COPS5: variants seen among roughly 807,000 people sequenced by gnomAD.
COPS5 encodes the protein COP9 signalosome subunit 5.
In COPS5, 8 loss-of-function variants were observed where a neutral mutation model predicts 44.4. The ratio of observed to expected loss-of-function variants is 0.18; its 90% CI spans 0.11 to 0.32. The LOEUF is 0.32. Among genes scored for constraint, COPS5 ranks in the 10% least tolerant of loss-of-function variants. The probability of loss-of-function intolerance (pLI) is 1.00; values close to 1 mark genes in which losing one functional copy is unlikely to be tolerated. For synonymous variants in COPS5, 122 were observed against 142.8 expected, an observed-to-expected ratio of 0.85 and a Z score of 1.04; for missense variants, 159 against 406.4, an observed-to-expected ratio of 0.39 and a Z score of 5.23.
chr8:67,043,740 C>T (rs551376375), intron 7 of COPS5: 1 of 152,404 alleles, frequency 6.6e-6, no homozygotes, highest in African/African-American at 2.4e-5. Context: ...AGAAGTCAAA[C>T]TTAGGTTAGC....
chr8:67,050,001 C>CTTTTTTTTTTT (rs548690353), intron 6 of COPS5, among the ~76,000 whole-genome samples: 4 of 138,736 alleles, frequency 2.9e-5, no homozygotes, highest in Non-Finnish European at 4.7e-5. Context: ...GTGATACTCT[C>CTTTTTTTTTTT]TTTTTTTTTT....
chr8:67,043,334 A>C lies in COPS5; in HGVS notation c.921-17T>G. On this transcript the variant is annotated splice_polypyrimidine_tract_variant and intron_variant, in intron 7 of 7. Transcript: ENST00000357849. ...GTTTTACAGCTGGAAAAAAAAACAC[A>C]CATCACATGATGTCATAAATTGAAA... 1 of 1,476,282 alleles carries C rather than the reference A, an allele frequency of 6.8e-7. No homozygotes were observed. Among genetic ancestry groups the C allele is most frequent in the Non-Finnish European group, 9.4e-7 (1 of 1,061,016 alleles). The allele number at this position is 1,476,282 out of a possible 1,614,324, so 91.4% of individuals were successfully genotyped here.
At position 67,057,457 on chromosome 8, in the gene COPS5, A is replaced by T. The variant is rs924901882; in HGVS notation, c.508-12T>A. Reference sequence around the variant, plus strand: ...CTTGTTGGATCAATCTATAAGAAAGATATATTTAATATCTGCTGATATAAA... The same window carrying T: ...CTTGTTGGATCAATCTATAAGAAAGTTATATTTAATATCTGCTGATATAAA... On this transcript the variant is annotated splice_polypyrimidine_tract_variant and intron_variant, in intron 3 of 7. Transcript: ENST00000357849. 18 of 1,563,042 alleles carry T rather than the reference A, an allele frequency of 1.2e-5. No individual in the cohort carries two copies. The African/African-American group carries it at 1.5e-4, about 13-fold the overall frequency.
At chr8:67,050,001 C>CTTTTTTTTT (rs548690353) in intron 6 of COPS5, among the ~76,000 whole-genome samples, 56 of 138,694 alleles carry the variant, frequency 4.0e-4, no homozygotes, top group Non-Finnish European at 1.2e-4. Flanking sequence ...GTGATACTCT[C>CTTTTTTTTT]TTTTTTTTTT....
chr8:67,048,221 A>T (rs1208111722), intron 6 of COPS5, among the ~76,000 whole-genome samples: 1 of 152,224 alleles, frequency 6.6e-6, no homozygotes, highest in African/African-American at 2.4e-5. Context: ...GTGAGATGTG[A>T]TTGCACCACT....
chr8:67,056,589 C>T lies in COPS5; in HGVS notation c.589G>A (p.Asp197Asn). 1 of 1,374,108 alleles carries T rather than the reference C, an allele frequency of 7.3e-7. No individual in the cohort carries two copies. The highest frequency in any genetic ancestry group is 9.7e-7 in the Non-Finnish European group (1 of 1,030,866). 85.1% of individuals were successfully genotyped at this position (1,374,108 alleles called of 1,614,324 possible). Residue 197 changes from aspartate (D) to asparagine (N), a missense_variant, in exon 5 of 8, where the codon GAT becomes AAT. Transcript: ENST00000357849. ...RTYPKGYKPP[D>N]EGPSEYQTIP... is the part of the protein sequence containing the mutation. Reference sequence around the variant, plus strand: ...GTCTGGTACTCAGAAGGTCCTTCATCAGGAGGTTTGTAGCCCTAAACAAAA... The same window carrying T: ...GTCTGGTACTCAGAAGGTCCTTCATTAGGAGGTTTGTAGCCCTAAACAAAA...
intron 6 of COPS5, among the ~76,000 whole-genome samples, chr8:67,046,518 A>T (rs1364522115): frequency 2.0e-5 from 3 of 152,132 alleles, no homozygotes; most frequent in Non-Finnish European, 4.4e-5. Flanking sequence ...TTATAAAAAT[A>T]ACATTTTAAA....
At chr8:67,052,883 GCTTGAGTAGAATGGAAGGTA>G (rs988398975) in intron 5 of COPS5, among the ~76,000 whole-genome samples, 1 of 151,712 alleles carries the variant, frequency 6.6e-6, no homozygotes, top group African/African-American at 2.4e-5. Flanking sequence ...CTTGGAAGGT[GCTTGAGTAGAATGGAAGGTA>G]CTTGAGTAGA....
At chr8:67,043,361 CTA>C (rs1291585564) in intron 7 of COPS5, 44 bp from the exon 8 acceptor site, 6 of 1,199,226 alleles carry the variant, frequency 5.0e-6, no homozygotes, top group Non-Finnish European at 7.4e-6. Flanking sequence ...AAATTGAAAA[CTA>C]TTTCAAACAC....
At chr8:67,060,353 G>A in intron 1 of COPS5, 1 of 1,204,596 alleles carries the variant, frequency 8.3e-7, no homozygotes. Context: ...GAAGCAAGCA[G>A]ATAACCAAGC....
At chr8:67,047,047 G>T (rs1816710370) in intron 6 of COPS5, among the ~76,000 whole-genome samples, 1 of 151,532 alleles carries the variant, frequency 6.6e-6, no homozygotes, top group South Asian at 2.1e-4. Flanking sequence ...ATTTTTATGG[G>T]GTATCACTTT....
At position 67,061,874 on chromosome 8, in the gene COPS5, C is replaced by A; in HGVS notation, c.123G>T (p.Ala41=). The change falls in exon 1 of 8, where the codon GCG becomes GCT. Residue 41 remains alanine (A), a synonymous_variant. Coordinates refer to ENST00000357849, the MANE Select transcript of COPS5 (RefSeq NM_006837.3). ...CTCACTCCTTAGTCCAGGGCTTCGC[C>A]GCCAGGATTTCTTGCTGCTGTTTCT... ...YDKKQQQEIL[A]AKPWTKDHHY... is the part of the protein sequence containing the mutation. 1.2e-6 allele frequency: 2 copies of A among 1,614,196 alleles called. No homozygotes were observed. Among genetic ancestry groups the A allele is most frequent in the South Asian group, 2.2e-5 (2 of 91,080 alleles).
Position 67,051,356 on chromosome 8 carries a change from C to A in COPS5, c.660-15G>T. The A allele has an allele frequency of 6.8e-7, 1 of 1,467,002 alleles. No homozygotes were observed. Among genetic ancestry groups the A allele is most frequent in the Non-Finnish European group, 9.4e-7 (1 of 1,067,166 alleles). The allele number at this position is 1,467,002 out of a possible 1,614,324, so 90.9% of individuals were successfully genotyped here. A position where few individuals can be genotyped will look rare whatever the true frequency, so the allele number is the denominator to read the frequency against. The stretch of plus-strand genomic sequence containing the variant: ...AGGCATAATATCTATGAAATAAAAG[C>A]ATAAAATTTAGTAAGTAAAAAAAAA... On this transcript the variant is annotated splice_polypyrimidine_tract_variant and intron_variant, in intron 5 of 7. Transcript: ENST00000357849.
chr8:67,059,074 C>T lies in COPS5; in HGVS notation c.378+137G>A, dbSNP rs781551349. ...ATAAGTCTTATCAGGCTTTTAATCT[C>T]GTACATTTTACATATAAATCATTAA... On this transcript the variant is annotated intron_variant, in intron 2 of 7. Transcript: ENST00000357849. 3.7e-4 allele frequency: 224 copies of T among 610,214 alleles called. 1 individual carries two copies. The highest frequency in any genetic ancestry group is 1.3e-4 in the African/African-American group (7 of 53,748). The allele number at this position is 610,214 out of a possible 1,614,324, so 37.8% of individuals were successfully genotyped here. A position where few individuals can be genotyped will look rare whatever the true frequency, so the allele number is the denominator to read the frequency against.
Position 67,060,439 on chromosome 8 carries a change from C to T in COPS5, c.144-994G>A, listed in dbSNP as rs750232719. 3 of 1,288,360 alleles carry T rather than the reference C, an allele frequency of 2.3e-6. No homozygotes were observed. In the South Asian group the frequency reaches 3.7e-5, roughly 16 times the overall value. 79.8% of individuals were successfully genotyped at this position (1,288,360 alleles called of 1,614,324 possible). A position where few individuals can be genotyped will look rare whatever the true frequency, so the allele number is the denominator to read the frequency against. On this transcript the variant is annotated intron_variant, in intron 1 of 7. Coordinates refer to ENST00000357849, the MANE Select transcript of COPS5 (RefSeq NM_006837.3). ...TTAGATGTCTGCCCACAGAAAGAAT[C>T]CAAATTTAATTCCTAAGCTTTGCCA...
At chr8:67,054,915 A>G (rs1220498111) in intron 5 of COPS5, among the ~76,000 whole-genome samples, 1 of 152,258 alleles carries the variant, frequency 6.6e-6, no homozygotes, top group Non-Finnish European at 1.5e-5. Flanking sequence ...TCAGATGGTT[A>G]CAGTGCTAAG....
Position 67,055,815 on chromosome 8 carries a change from A to C in COPS5, c.659+704T>G, listed in dbSNP as rs554261026. ...TAGGAGGCGGAGGTTGCAGTGAGCC[A>C]AGATCACGCCACTGCACTCCAGCCT... is the stretch of plus-strand genomic sequence containing the variant. On this transcript the variant is annotated intron_variant, in intron 5 of 7. Transcript: ENST00000357849. Among the ~76,000 whole-genome samples the C allele has an allele frequency of 5.8e-5, 8 of 137,434 alleles. No homozygotes were observed. The South Asian group carries it at 1.5e-3, about 26-fold the overall frequency. The allele number at this position is 137,434 out of a possible 152,430, so 90.2% of individuals were successfully genotyped here.
chr8:67,060,433 A>G (rs1408315448), intron 1 of COPS5: 1 of 1,288,338 alleles, frequency 7.8e-7, no homozygotes, highest in Non-Finnish European at 1.0e-6. Context: ...TGCCCACAGA[A>G]AGAATCCAAA....
intron 7 of COPS5, 26 bp from the exon 8 acceptor site, chr8:67,043,343 G>C: frequency 7.1e-7 from 1 of 1,402,202 alleles, no homozygotes; most frequent in Non-Finnish European, 1.0e-6. Flanking sequence ...CACATCACAT[G>C]ATGTCATAAA....
Sources: gnomAD v4.1 joint callset for allele counts (sites outside exome capture counted in the v4.1 genomes callset) on GRCh38, gnomAD v4.1.1 for gene constraint, MANE v1.5 for transcripts, NCBI Gene and HGNC (gene_info 2026-07-23, HGNC 2026-07-21) for gene names.